OCA2: variants seen among roughly 807,000 people sequenced by gnomAD.
The protein encoded by OCA2 is P protein.
OCA2 carries 77 observed loss-of-function variants against 100.2 expected under a neutral mutation model. The observed-to-expected ratio is 0.77, with a 90% confidence interval of 0.64 to 0.93. The LOEUF (loss-of-function observed/expected upper bound fraction) is 0.93. Among genes scored for constraint, OCA2 ranks in the 40% least tolerant of loss-of-function variants. The pLI is 0.00. For missense variants in OCA2, 1,062 were observed against 1,089.1 expected (o/e 0.98, Z 0.35); for synonymous variants, 432 against 439.2 (o/e 0.98, Z 0.21).
chr15:27,786,631 T>C (rs1264978072), intron 23 of OCA2, among the ~76,000 whole-genome samples: 3 of 152,184 alleles, frequency 2.0e-5, no homozygotes, highest in Admixed American at 6.5e-5. Flanking sequence ...ATTTTGTATA[T>C]TGATCTTGTA....
At chr15:27,737,367 A>G in the OCA2 span, among the ~76,000 whole-genome samples, 1 of 152,358 alleles carries the variant, frequency 6.6e-6, no homozygotes, top group East Asian at 1.9e-4. Context: ...AGAATGAAGG[A>G]CAAAGTTGGA....
At chr15:27,980,437 T>A (rs2041122597) in intron 14 of OCA2, among the ~76,000 whole-genome samples, 1 of 152,238 alleles carries the variant, frequency 6.6e-6, no homozygotes, top group Non-Finnish European at 1.5e-5. Context: ...AGTAATTTTT[T>A]AAATTATGTG....
At chr15:27,904,212 C>T (rs60730690) in intron 19 of OCA2, among the ~76,000 whole-genome samples, 1 of 152,020 alleles carries the variant, frequency 6.6e-6, no homozygotes, top group Admixed American at 6.5e-5. Context: ...CTCCCTCGCT[C>T]GCTCCAAAAT....
chr15:27,753,679 G>C (rs1030180559), downstream of OCA2, among the ~76,000 whole-genome samples: 1 of 152,046 alleles, frequency 6.6e-6, no homozygotes, highest in African/African-American at 2.4e-5. Context: ...GGAGCTGGCA[G>C]TGAGCTGAGA....
chr15:27,794,195 C>T (rs552077567), intron 23 of OCA2, among the ~76,000 whole-genome samples: 1 of 152,304 alleles, frequency 6.6e-6, no homozygotes, highest in Non-Finnish European at 1.5e-5. Context: ...CAGCGCCCCT[C>T]ATCTTTGAGA....
At chr15:27,752,806 C>G (rs797011973), downstream of OCA2, among the ~76,000 whole-genome samples, 1 of 75,854 alleles carries the variant, frequency 1.3e-5, no homozygotes, top group Non-Finnish European at 2.0e-5. Context: ...CCCCACCCCC[C>G]CCCCCCCCCC....
the OCA2 span, among the ~76,000 whole-genome samples, chr15:27,732,993 C>T: frequency 7.9e-5 from 12 of 152,046 alleles, no homozygotes; most frequent in East Asian, 1.9e-4. Flanking sequence ...AACTTTGTAA[C>T]GAAAAGCAAA....
chr15:28,066,848 C>A (rs1313529111), intron 2 of OCA2, among the ~76,000 whole-genome samples: 1 of 152,170 alleles, frequency 6.6e-6, no homozygotes, highest in Non-Finnish European at 1.5e-5. Flanking sequence ...CAACCTTATC[C>A]TAATCCGGAC....
intron 23 of OCA2, among the ~76,000 whole-genome samples, chr15:27,755,916 A>G (rs1455193563): frequency 2.0e-5 from 3 of 152,206 alleles, no homozygotes; most frequent in Admixed American, 1.3e-4. Flanking sequence ...GGAGAGCTTG[A>G]TAAGTAGTGT....
chr15:27,940,416 C>G (rs2039607407), intron 18 of OCA2, among the ~76,000 whole-genome samples: 2 of 152,222 alleles, frequency 1.3e-5, no homozygotes, highest in Non-Finnish European at 2.9e-5. Context: ...ACATTCCTAG[C>G]CTGGCATTTA....
intron 9 of OCA2, among the ~76,000 whole-genome samples, chr15:28,000,388 T>C (rs2041889869): frequency 6.6e-6 from 1 of 152,164 alleles, no homozygotes; most frequent in Admixed American, 6.5e-5. Flanking sequence ...CAATAAATGG[T>C]ATTGGGAAGC....
At chr15:27,876,188 G>A (rs1189198320) in intron 19 of OCA2, among the ~76,000 whole-genome samples, 3 of 151,970 alleles carry the variant, frequency 2.0e-5, no homozygotes, top group Non-Finnish European at 4.4e-5. Context: ...TTCATGGTTT[G>A]CTCTCTAATG....
intron 1 of OCA2, among the ~76,000 whole-genome samples, chr15:28,082,398 G>A (rs2141906911): frequency 6.6e-6 from 1 of 152,280 alleles, no homozygotes; most frequent in South Asian, 2.1e-4. Flanking sequence ...ACCTTTAAGA[G>A]CTGTAACACT....
intron 14 of OCA2, among the ~76,000 whole-genome samples, chr15:27,969,712 C>G (rs1186149416): frequency 6.6e-6 from 1 of 152,140 alleles, no homozygotes; most frequent in Non-Finnish European, 1.5e-5. Flanking sequence ...AACCCTCAAT[C>G]AGATCAGAAC....
At chr15:27,860,320 CA>C (rs928169415) in intron 21 of OCA2, among the ~76,000 whole-genome samples, 7 of 152,134 alleles carry the variant, frequency 4.6e-5, no homozygotes, top group African/African-American at 1.7e-4. Flanking sequence ...ATTTTAGAGT[CA>C]GGGGAGCACA....
chr15:27,771,815 A>G (rs189436915), intron 23 of OCA2, among the ~76,000 whole-genome samples: 2 of 152,158 alleles, frequency 1.3e-5, no homozygotes, highest in African/African-American at 4.8e-5. Flanking sequence ...TTGACGCTAA[A>G]ACTCTACCTG....
chr15:27,811,634 T>A (rs903404674), intron 23 of OCA2, among the ~76,000 whole-genome samples: 2 of 152,228 alleles, frequency 1.3e-5, no homozygotes, highest in Non-Finnish European at 2.9e-5. Context: ...TACTGCTGTT[T>A]CAGAGTGTGA....
At chr15:27,778,865 A>T (rs1313449496) in intron 23 of OCA2, among the ~76,000 whole-genome samples, 1 of 152,202 alleles carries the variant, frequency 6.6e-6, no homozygotes, top group East Asian at 1.9e-4. Context: ...AAAGAAAGAA[A>T]ACATGCAGGA....
At chr15:27,990,910 T>C (rs970235646) in intron 9 of OCA2, among the ~76,000 whole-genome samples, 1 of 152,206 alleles carries the variant, frequency 6.6e-6, no homozygotes, top group African/African-American at 2.4e-5. Context: ...AGATGGAGTA[T>C]GTTCTATGAG....
Sources: gnomAD v4.1 joint callset for allele counts (sites outside exome capture counted in the v4.1 genomes callset) on GRCh38, gnomAD v4.1.1 for gene constraint, MANE v1.5 for transcripts, NCBI Gene and HGNC (gene_info 2026-07-23, HGNC 2026-07-21) for gene names.